RAB3GAP1: variants seen among roughly 807,000 people sequenced by gnomAD.
The protein encoded by RAB3GAP1 is RAB3 GTPase activating protein catalytic subunit 1, also known as rab3 GTPase-activating protein catalytic subunit.
In RAB3GAP1, 86 loss-of-function variants were observed where a neutral mutation model predicts 130.7. That is an observed-to-expected ratio of 0.66 (90% confidence interval 0.55 to 0.79). The LOEUF (loss-of-function observed/expected upper bound fraction) is 0.79, where lower values mean the gene tolerates loss of function less well. RAB3GAP1 is among the 30% of genes least tolerant of loss of function. The pLI is 0.00. For missense variants in RAB3GAP1, 1,029 were observed against 1,169.4 expected (o/e 0.88, Z 1.75); for synonymous variants, 367 against 401.7 (o/e 0.91, Z 1.03).
intron 3 of RAB3GAP1, among the ~76,000 whole-genome samples, chr2:135,063,908 G>C (rs953188489): frequency 2.0e-5 from 3 of 152,090 alleles, no homozygotes; most frequent in Admixed American, 1.3e-4. Flanking sequence ...ACTTTTGGCT[G>C]GCTACAAATT....
intron 3 of RAB3GAP1, among the ~76,000 whole-genome samples, chr2:135,074,252 G>A (rs569868581): frequency 1.3e-5 from 2 of 152,308 alleles, no homozygotes; most frequent in South Asian, 4.1e-4. Context: ...TCCCCAAAAT[G>A]TGTATAGGTT....
intron 3 of RAB3GAP1, among the ~76,000 whole-genome samples, chr2:135,069,727 AG>A (rs1030037800): frequency 6.6e-6 from 1 of 151,934 alleles, no homozygotes; most frequent in African/African-American, 2.4e-5. Flanking sequence ...ATTTGTAGAG[AG>A]CCTACTGTGC....
In RAB3GAP1 at chr2:135,168,913, C is replaced by A; in HGVS notation, c.*132C>A. On this transcript the variant is annotated 3_prime_UTR_variant, in exon 24 of 24. Transcript: ENST00000264158. ...GTTGGGTGATCAGGAATCAAACCAG[C>A]ATCGGAAAGACTTCCCAGCACCAAG... 1 of 821,272 alleles carries A rather than the reference C, an allele frequency of 1.2e-6. No homozygotes were observed. The highest frequency in any genetic ancestry group is 1.8e-5 in the Admixed American group (1 of 55,700). 50.9% of individuals were successfully genotyped at this position (821,272 alleles called of 1,614,324 possible).
intron 19 of RAB3GAP1, among the ~76,000 whole-genome samples, chr2:135,160,820 TAA>T (rs1692447112): frequency 6.6e-6 from 1 of 152,040 alleles, no homozygotes; most frequent in Non-Finnish European, 1.5e-5. Flanking sequence ...GATTATATAA[TAA>T]AATATTTTTA....
intron 7 of RAB3GAP1, among the ~76,000 whole-genome samples, chr2:135,117,225 C>T (rs1284663125): frequency 6.6e-6 from 1 of 152,052 alleles, no homozygotes; most frequent in Non-Finnish European, 1.5e-5. Flanking sequence ...TTTCAAAAAC[C>T]TTCTGGGCTC....
chr2:135,120,904 C>T lies in RAB3GAP1; in HGVS notation c.734C>T (p.Pro245Leu). Residue 245 changes from proline (P) to leucine (L), a missense_variant, in exon 8 of 24, where the codon CCT (proline) becomes CTT (leucine). Physicochemically the swap from Pro to Leu is moderately conservative, Grantham distance 98. Coordinates refer to ENST00000264158, the MANE Select transcript of RAB3GAP1 (RefSeq NM_012233.3). ...VLQDWQQYFWPQQPPDIDALV... is the reference protein window; with the variant it reads ...VLQDWQQYFWLQQPPDIDALV... The stretch of plus-strand genomic sequence containing the variant: ...CAAGATTGGCAGCAGTATTTTTGGC[C>T]TCAGCAACCTCCAGGTGAGATCATT... The T allele has an allele frequency of 6.3e-7, 1 of 1,595,500 alleles. No individual in the cohort carries two copies. Among genetic ancestry groups the T allele is most frequent in the Non-Finnish European group, 8.6e-7 (1 of 1,163,244 alleles).
intron 5 of RAB3GAP1, among the ~76,000 whole-genome samples, chr2:135,112,715 A>G (rs1163537090): frequency 1.3e-5 from 2 of 152,112 alleles, no homozygotes; most frequent in African/African-American, 2.4e-5. Context: ...TCAATATTAC[A>G]GTGGTCTTAT....
At chr2:135,080,851 C>G (rs2104857337) in intron 3 of RAB3GAP1, among the ~76,000 whole-genome samples, 1 of 152,226 alleles carries the variant, frequency 6.6e-6, no homozygotes, top group Admixed American at 6.5e-5. Flanking sequence ...TGGACTGAGC[C>G]TCGATATCAT....
At chr2:135,070,933 AG>A (rs1170964442) in intron 3 of RAB3GAP1, among the ~76,000 whole-genome samples, 3 of 152,232 alleles carry the variant, frequency 2.0e-5, no homozygotes, top group Non-Finnish European at 4.4e-5. Flanking sequence ...GACCCCAAAA[AG>A]GTTAAATAAA....
chr2:135,117,462 G>GCTTCTTCTT (rs1284949739), intron 7 of RAB3GAP1, among the ~76,000 whole-genome samples: 6 of 41,784 alleles, frequency 1.4e-4, no homozygotes, highest in African/African-American at 2.8e-4. Context: ...TTCTGCTTCT[G>GCTTCTTCTT]CTTCTGCTTC....
intron 5 of RAB3GAP1, among the ~76,000 whole-genome samples, chr2:135,101,046 T>G (rs1449070059): frequency 1.3e-5 from 2 of 152,196 alleles, no homozygotes; most frequent in Non-Finnish European, 2.9e-5. Flanking sequence ...AATGCACTTT[T>G]GAAACTTGTA....
chr2:135,069,005 C>T (rs7602154), intron 3 of RAB3GAP1, among the ~76,000 whole-genome samples: 9,198 of 152,144 alleles, frequency 0.06, 543 homozygotes, highest in African/African-American at 0.16. Context: ...TAATCATTTA[C>T]GGGAGATTTT....
chr2:135,134,102 A>G, intron 15 of RAB3GAP1, 69 bp downstream of exon 15: 1 of 1,571,982 alleles, frequency 6.4e-7, no homozygotes, highest in South Asian at 1.1e-5. Context: ...CTTTTGACCT[A>G]TTTTTTCCCC....
chr2:135,121,735 T>G (rs1460074683), intron 8 of RAB3GAP1, among the ~76,000 whole-genome samples: 1 of 152,246 alleles, frequency 6.6e-6, no homozygotes, highest in Non-Finnish European at 1.5e-5. Context: ...TGTTTATTTT[T>G]GTTCCAAATA....
At chr2:135,090,484 G>T (rs1014597835) in intron 3 of RAB3GAP1, among the ~76,000 whole-genome samples, 1 of 152,086 alleles carries the variant, frequency 6.6e-6, no homozygotes, top group African/African-American at 2.4e-5. Flanking sequence ...TATGCTTAGG[G>T]TTCTGTATAA....
At chr2:135,163,501 AGTT>A (rs1266387211) in intron 22 of RAB3GAP1, among the ~76,000 whole-genome samples, 4 of 152,196 alleles carry the variant, frequency 2.6e-5, no homozygotes, top group Non-Finnish European at 5.9e-5. Flanking sequence ...TACTGTTCCT[AGTT>A]GTTTATTTTA....
At chr2:135,073,885 A>G (rs183893983) in intron 3 of RAB3GAP1, among the ~76,000 whole-genome samples, 2 of 152,288 alleles carry the variant, frequency 1.3e-5, no homozygotes, top group Non-Finnish European at 2.9e-5. Context: ...GGGACCGTAA[A>G]AAACGTCTGT....
intron 22 of RAB3GAP1, 89 bp from the exon 23 acceptor site, chr2:135,164,505 T>C (rs1692571608): frequency 7.2e-6 from 7 of 969,196 alleles, no homozygotes; most frequent in Non-Finnish European, 1.2e-5. Context: ...GCTTGAGGAT[T>C]TGTCCACAAA....
chr2:135,104,905 CA>C (rs1690550414), intron 5 of RAB3GAP1, among the ~76,000 whole-genome samples: 2 of 151,230 alleles, frequency 1.3e-5, no homozygotes, highest in African/African-American at 4.9e-5. Flanking sequence ...AACAAACAAA[CA>C]AAAAAACAAA....
Sources: gnomAD v4.1 joint callset for allele counts (sites outside exome capture counted in the v4.1 genomes callset) on GRCh38, gnomAD v4.1.1 for gene constraint, MANE v1.5 for transcripts, NCBI Gene and HGNC (gene_info 2026-07-23, HGNC 2026-07-21) for gene names.